KIF13A: variants seen among roughly 807,000 people sequenced by gnomAD.
The protein encoded by KIF13A is kinesin-like protein KIF13A.
In KIF13A, 79 loss-of-function variants were observed where a neutral mutation model predicts 212.2. That is an observed-to-expected ratio of 0.37 (90% confidence interval 0.31 to 0.45). The LOEUF (loss-of-function observed/expected upper bound fraction) is 0.45. Among genes scored for constraint, KIF13A ranks in the 20% least tolerant of loss-of-function variants. The pLI is 1.00. For synonymous variants in KIF13A, 789 were observed against 808.6 expected, an observed-to-expected ratio of 0.98 and a Z score of 0.41; for missense variants, 1,901 against 2,209.0, an observed-to-expected ratio of 0.86 and a Z score of 2.79.
At chr6:17,790,731 A>G (rs1761459372) in intron 25 of KIF13A, among the ~76,000 whole-genome samples, 1 of 152,182 alleles carries the variant, frequency 6.6e-6, no homozygotes, top group Non-Finnish European at 1.5e-5. Flanking sequence ...CCCTGATGCA[A>G]TCATCCCAGG....
rs200658625 is a variant in KIF13A at position 17,764,288 on chromosome 6, A to T, written c.5240T>A (p.Phe1747Tyr). Residue 1747 changes from phenylalanine (F) to tyrosine (Y), a missense_variant, in exon 39 of 39, where the codon TTT becomes TAT. Physicochemically the swap from Phe to Tyr is conservative, Grantham distance 22. Around this residue, in one of 5 missense-constraint regions of KIF13A, gnomAD observed 687 missense variants for 759.1 expected, o/e 0.90. Transcript: ENST00000259711. This position sits in a 1 kb window ranked among gnomAD's most constrained non-coding sequence, Gnocchi z 5.1. Reference protein sequence around the residue: ...EFMGVSEGKDFDGLTDSSAGE... With the variant: ...EFMGVSEGKDYDGLTDSSAGE... ...AGCAGAAGAATCTGTCAAACCATCAAAATCTTTTCCCTCTGACACTCCCAT... is the reference window on the plus strand; with the variant it reads ...AGCAGAAGAATCTGTCAAACCATCATAATCTTTTCCCTCTGACACTCCCAT... 7 of 1,613,996 alleles carry T rather than the reference A, an allele frequency of 4.3e-6. No individual in the cohort carries two copies. Among genetic ancestry groups the T allele is most frequent in the Middle Eastern group, 3.3e-4 (2 of 6,062 alleles).
In KIF13A at chr6:17,816,929, G is replaced by T; in HGVS notation, c.2000+91C>A. On this transcript the variant is annotated intron_variant, in intron 17 of 38. Coordinates refer to ENST00000259711, the MANE Select transcript of KIF13A (RefSeq NM_022113.6). This position sits in a 1 kb window ranked among gnomAD's most constrained non-coding sequence, Gnocchi z 4.3. ...GGGATTAAGAGTTCTCTTGTTGCTA[G>T]GTTTGTCCCTGACATGTCTCAAAAA... 1 of 959,216 alleles carries T rather than the reference G, an allele frequency of 1.0e-6. No homozygotes were observed. The highest frequency in any genetic ancestry group is 1.5e-6 in the Non-Finnish European group (1 of 651,052). 59.4% of individuals were successfully genotyped at this position (959,216 alleles called of 1,614,324 possible). A position where few individuals can be genotyped will look rare whatever the true frequency, so the allele number is the denominator to read the frequency against.
intron 19 of KIF13A, among the ~76,000 whole-genome samples, chr6:17,805,248 C>T (rs1467702162): frequency 1.3e-5 from 2 of 152,130 alleles, no homozygotes; most frequent in African/African-American, 4.8e-5. Context: ...ATGTTTTCTT[C>T]ATTTAGTTCC....
chr6:17,833,167 A>G (rs12523784), intron 12 of KIF13A, among the ~76,000 whole-genome samples: 68,162 of 151,866 alleles, frequency 0.45, 15,927 homozygotes, highest in South Asian at 0.54. Flanking sequence ...CAAACTGTAC[A>G]TTGATAAAAA....
intron 4 of KIF13A, among the ~76,000 whole-genome samples, chr6:17,869,750 C>T (rs1286536609): frequency 6.6e-5 from 10 of 152,216 alleles, no homozygotes; most frequent in Non-Finnish European, 5.9e-5. Flanking sequence ...TTTTGACACA[C>T]CACACAAAAC....
intron 2 of KIF13A, among the ~76,000 whole-genome samples, chr6:17,981,572 C>T (rs1781094588): frequency 6.6e-6 from 1 of 151,770 alleles, no homozygotes; most frequent in Non-Finnish European, 1.5e-5. Flanking sequence ...TATAGTCACA[C>T]ACCACCACGC....
chr6:17,796,443 ATGTT>A (rs1232613426), intron 23 of KIF13A, among the ~76,000 whole-genome samples: 1 of 151,384 alleles, frequency 6.6e-6, no homozygotes, highest in Non-Finnish European at 1.5e-5. Flanking sequence ...TGGTTTCACC[ATGTT>A]GGTCAGGCTG....
At chr6:17,959,910 C>T (rs1039010964) in intron 2 of KIF13A, among the ~76,000 whole-genome samples, 1 of 152,002 alleles carries the variant, frequency 6.6e-6, no homozygotes, top group Non-Finnish European at 1.5e-5. Context: ...GTAATACCAG[C>T]TACTTGGGAG....
rs1011946692 is a variant in KIF13A at position 17,838,427 on chromosome 6, C to G, written c.831-844G>C. ...TGTAATGTTAACAATAGATTTCCATCAAATAAGCTGAAAGGAAAGCAGCCT... is the reference window on the plus strand; with the variant it reads ...TGTAATGTTAACAATAGATTTCCATGAAATAAGCTGAAAGGAAAGCAGCCT... On this transcript the variant is annotated intron_variant, in intron 9 of 38. Transcript: ENST00000259711. This position sits in a 1 kb window ranked among gnomAD's most constrained non-coding sequence, Gnocchi z 4.2. Among the ~76,000 whole-genome samples, 13 of 152,086 alleles carry G rather than the reference C, an allele frequency of 8.5e-5. No homozygotes were observed. The highest frequency in any genetic ancestry group is 3.1e-4 in the African/African-American group (13 of 41,414).
At position 17,809,410 on chromosome 6, in the gene KIF13A, T is replaced by C. The variant is rs1562001334; in HGVS notation, c.2001-480A>G. ...AGTAGCAGGAATTCTTCGTTTCAAC[T>C]CTCTGTACAACATTACTTGCTGATA... is the stretch of plus-strand genomic sequence containing the variant. On this transcript the variant is annotated intron_variant, in intron 17 of 38. Transcript: ENST00000259711. The surrounding 1 kb of genome is among the most constrained non-coding windows in gnomAD (Gnocchi z 4.7). 1.3e-5 allele frequency among the ~76,000 whole-genome samples: 2 copies of C among 152,210 alleles called. No homozygotes were observed.
At chr6:17,832,180 T>C (rs1050235114) in intron 12 of KIF13A, among the ~76,000 whole-genome samples, 8 of 152,180 alleles carry the variant, frequency 5.3e-5, no homozygotes, top group African/African-American at 1.9e-4. Context: ...TATTTCCAAA[T>C]GATCAATGAG....
At chr6:17,875,454 TC>T (rs1459959590) in intron 3 of KIF13A, among the ~76,000 whole-genome samples, 1 of 148,454 alleles carries the variant, frequency 6.7e-6, no homozygotes, top group Non-Finnish European at 1.5e-5. Context: ...TTTTTTCTTT[TC>T]CTTTTTTTTT....
At chr6:17,921,338 C>A (rs1001241627) in intron 2 of KIF13A, among the ~76,000 whole-genome samples, 2 of 152,200 alleles carry the variant, frequency 1.3e-5, no homozygotes, top group Non-Finnish European at 2.9e-5. Flanking sequence ...GAACACACTT[C>A]AAGGAAAGCT....
chr6:17,784,726 G>A (rs1760900212), intron 28 of KIF13A, among the ~76,000 whole-genome samples: 1 of 152,114 alleles, frequency 6.6e-6, no homozygotes, highest in Non-Finnish European at 1.5e-5. Flanking sequence ...GGGTGAGTAG[G>A]CTGTCTGTAA....
chr6:17,968,127 C>T lies in KIF13A; in HGVS notation c.146+18927G>A, dbSNP rs1471076521. Reference sequence around the variant, plus strand: ...GTGGGGAACAAAAAAATGTTGAAAACTGCCACAAGAGTAAGCAGAAGCTGC... The same window carrying T: ...GTGGGGAACAAAAAAATGTTGAAAATTGCCACAAGAGTAAGCAGAAGCTGC... On this transcript the variant is annotated intron_variant, in intron 2 of 38. Transcript: ENST00000259711. This position sits in a 1 kb window ranked among gnomAD's most constrained non-coding sequence, Gnocchi z 4.7. Among the ~76,000 whole-genome samples the T allele has an allele frequency of 6.6e-6, 1 of 152,096 alleles. No individual in the cohort carries two copies. The highest frequency in any genetic ancestry group is 1.5e-5 in the Non-Finnish European group (1 of 68,034).
chr6:17,880,637 A>AG (rs1394603681), intron 3 of KIF13A, among the ~76,000 whole-genome samples: 1 of 151,458 alleles, frequency 6.6e-6, no homozygotes, highest in Non-Finnish European at 1.5e-5. Flanking sequence ...CAAAAAAAAA[A>AG]AAAAAAAAAA....
chr6:17,879,838 C>T (rs1320179112), intron 3 of KIF13A, among the ~76,000 whole-genome samples: 1 of 152,172 alleles, frequency 6.6e-6, no homozygotes, highest in Non-Finnish European at 1.5e-5. Flanking sequence ...CAAAAGGAGA[C>T]ATGCTTTTCT....
Position 17,823,611 on chromosome 6 carries a change from G to T in KIF13A, c.1786+2157C>A, listed in dbSNP as rs573093279. Among the ~76,000 whole-genome samples, 11 of 151,804 alleles carry T rather than the reference G, an allele frequency of 7.2e-5. No homozygotes were observed. In the East Asian group the frequency reaches 2.1e-3, roughly 30 times the overall value. ...GCCTCCCAAGTAACTAGGATTTCAGGCATTCACCACCACACCTGGCTAATT... is the reference window on the plus strand; with the variant it reads ...GCCTCCCAAGTAACTAGGATTTCAGTCATTCACCACCACACCTGGCTAATT... On this transcript the variant is annotated intron_variant, in intron 16 of 38. Transcript: ENST00000259711.
At chr6:17,822,002 C>A in intron 16 of KIF13A, 1 of 1,307,544 alleles carries the variant, frequency 7.6e-7, no homozygotes, top group Non-Finnish European at 1.0e-6. Context: ...GGAAGCTCCA[C>A]TGGAACTGGG....
Sources: allele counts gnomAD v4.1 joint callset (sites outside exome capture counted in the v4.1 genomes callset), GRCh38; gene constraint gnomAD v4.1.1; regional missense constraint gnomAD v4.1.1; non-coding constraint Gnocchi (gnomAD v3.1); transcripts MANE v1.5; gene names NCBI Gene and HGNC (gene_info 2026-07-23, HGNC 2026-07-21).